TENM4: variants seen among roughly 807,000 people sequenced by gnomAD.
The protein encoded by TENM4 is teneurin transmembrane protein 4, also known as teneurin-4.
Under a neutral mutation model 243.3 loss-of-function variants are expected in TENM4, and 82 were observed. The observed-to-expected ratio is 0.34, with a 90% confidence interval of 0.28 to 0.40. TENM4 has a LOEUF of 0.40. Among genes scored for constraint, TENM4 ranks in the 10% least tolerant of loss-of-function variants. TENM4 has a pLI of 1.00. For missense variants in TENM4, 3,138 were observed against 3,673.3 expected, an observed-to-expected ratio of 0.85 and a Z score of 3.77; for synonymous variants, 1,412 against 1,456.3, an observed-to-expected ratio of 0.97 and a Z score of 0.69.
chr11:78,916,633 C>A (rs576799640), intron 6 of TENM4, among the ~76,000 whole-genome samples: 79 of 152,124 alleles, frequency 5.2e-4, no homozygotes, highest in Non-Finnish European at 9.0e-4. Context: ...TGACAATGAT[C>A]AGGGCTTTTA....
At chr11:78,707,777 A>G (rs1050418576) in intron 27 of TENM4, among the ~76,000 whole-genome samples, 2 of 152,220 alleles carry the variant, frequency 1.3e-5, no homozygotes, top group Non-Finnish European at 1.5e-5. Flanking sequence ...TCGTGGATGC[A>G]TTGTTTCATG....
intron 18 of TENM4, among the ~76,000 whole-genome samples, chr11:78,757,476 C>G (rs192002594): frequency 6.6e-6 from 1 of 152,296 alleles, no homozygotes; most frequent in East Asian, 1.9e-4. Context: ...TGGGAATCAC[C>G]GAAGGCTTTT....
At chr11:79,194,703 AG>A (rs1450003899) in intron 3 of TENM4, among the ~76,000 whole-genome samples, 1 of 152,200 alleles carries the variant, frequency 6.6e-6, no homozygotes, top group Non-Finnish European at 1.5e-5. Flanking sequence ...GTACTGTTAA[AG>A]GCATTCAGTT....
chr11:79,235,958 A>G (rs894765501), intron 2 of TENM4, among the ~76,000 whole-genome samples: 2 of 151,948 alleles, frequency 1.3e-5, no homozygotes, highest in East Asian at 1.9e-4. Flanking sequence ...CCTTCTGTGC[A>G]TTCATACAAT....
At chr11:79,326,087 T>C (rs1474276420) in intron 1 of TENM4, among the ~76,000 whole-genome samples, 13 of 152,194 alleles carry the variant, frequency 8.5e-5, no homozygotes, top group Non-Finnish European at 1.5e-5. Flanking sequence ...AGGAACATAT[T>C]GTGGGGTAAG....
rs372919687 is a variant in TENM4 at position 79,309,234 on chromosome 11, G to A, written c.-320-11691C>T. ...CTTTGGTATTAAAAACAGAATGTGA[G>A]CCCCAAAACATATCTATATGCTGTC... On this transcript the variant is annotated intron_variant, in intron 1 of 33. Transcript: ENST00000278550. 7.2e-5 allele frequency among the ~76,000 whole-genome samples: 11 copies of A among 152,328 alleles called. No individual in the cohort carries two copies. In the South Asian group the frequency reaches 2.3e-3, roughly 32 times the overall value.
At chr11:79,222,172 G>T (rs949728428) in intron 2 of TENM4, among the ~76,000 whole-genome samples, 1 of 152,218 alleles carries the variant, frequency 6.6e-6, no homozygotes, top group African/African-American at 2.4e-5. Context: ...GTCAGCGAGA[G>T]GGTCAAGGGG....
Position 79,409,861 on chromosome 11 carries a change from G to A in TENM4, c.-321+30648C>T, listed in dbSNP as rs550643812. Among the ~76,000 whole-genome samples the A allele has an allele frequency of 1.1e-4, 16 of 152,284 alleles. No homozygotes were observed. In the East Asian group the frequency reaches 3.1e-3, roughly 29 times the overall value. ...CTGATGGAACAATAGTCCAGCAAAT[G>A]TGTCAGTGTCCCTCTGAGGGTCCCA... On this transcript the variant is annotated intron_variant, in intron 1 of 33. Transcript: ENST00000278550.
At chr11:79,088,243 G>C (rs1463409098) in intron 4 of TENM4, among the ~76,000 whole-genome samples, 1 of 152,104 alleles carries the variant, frequency 6.6e-6, no homozygotes, top group Non-Finnish European at 1.5e-5. Flanking sequence ...TGGTATCTAG[G>C]GCCCAGCCTG....
chr11:79,193,083 C>G (rs1863549983), intron 3 of TENM4: 1 of 152,338 alleles, frequency 6.6e-6, no homozygotes, highest in Non-Finnish European at 1.5e-5. Flanking sequence ...CCCAGGACAG[C>G]AAGCTTTCCC....
intron 6 of TENM4, among the ~76,000 whole-genome samples, chr11:79,026,883 C>T (rs754848252): frequency 1.4e-4 from 21 of 152,142 alleles, no homozygotes; most frequent in Non-Finnish European, 2.9e-4. Flanking sequence ...ATCCTTCCAT[C>T]CAAACAACCC....
chr11:78,811,569 A>AACACACACATACACACAC (rs1555083999), intron 14 of TENM4, among the ~76,000 whole-genome samples: 1 of 65,032 alleles, frequency 1.5e-5, no homozygotes, highest in African/African-American at 4.0e-5. Flanking sequence ...CATACACATG[A>AACACACACATACACACAC]ACACACACAC....
At chr11:79,431,885 C>T (rs527435671) in intron 1 of TENM4, among the ~76,000 whole-genome samples, 24 of 152,236 alleles carry the variant, frequency 1.6e-4, no homozygotes, top group African/African-American at 5.5e-4. Flanking sequence ...GGAAATTTTA[C>T]ATTGGAGTTC....
intron 4 of TENM4, among the ~76,000 whole-genome samples, chr11:79,113,776 G>A (rs1861561085): frequency 6.6e-6 from 1 of 152,166 alleles, no homozygotes; most frequent in South Asian, 2.1e-4. Context: ...CTCAGAGGCT[G>A]TCCTGGGGCC....
chr11:78,820,456 A>G (rs1591048144), intron 12 of TENM4, among the ~76,000 whole-genome samples: 1 of 152,184 alleles, frequency 6.6e-6, no homozygotes, highest in East Asian at 1.9e-4. Flanking sequence ...TCTATACATT[A>G]CTTTCCTCAT....
intron 4 of TENM4, among the ~76,000 whole-genome samples, chr11:79,101,958 C>T (rs1208716932): frequency 1.3e-5 from 2 of 152,162 alleles, no homozygotes; most frequent in Non-Finnish European, 2.9e-5. Context: ...GGCTAGGAAC[C>T]AGGCTCCAGG....
At chr11:79,288,028 C>T (rs912949415) in intron 2 of TENM4, among the ~76,000 whole-genome samples, 1 of 152,194 alleles carries the variant, frequency 6.6e-6, no homozygotes, top group African/African-American at 2.4e-5. Flanking sequence ...GGAACTGGCC[C>T]TCAGCTAAAA....
At chr11:79,358,697 TGCCTCCCTC>T (rs1357059609) in intron 1 of TENM4, among the ~76,000 whole-genome samples, 1 of 126,616 alleles carries the variant, frequency 7.9e-6, no homozygotes, top group Non-Finnish European at 1.7e-5. Flanking sequence ...TTGCCTCCCT[TGCCTCCCTC>T]CCTCTCTCCC....
In TENM4 at chr11:79,380,220, C is replaced by T. The variant is rs944373411; in HGVS notation, c.-321+60289G>A. On this transcript the variant is annotated intron_variant, in intron 1 of 33. Coordinates refer to ENST00000278550, the MANE Select transcript of TENM4 (RefSeq NM_001098816.3). The stretch of plus-strand genomic sequence containing the variant: ...AAAGCAAAGCAAGATTGTCTAAACA[C>T]CTTTTGTTTGCCTTCAAGATTTCTC... 3.3e-5 allele frequency among the ~76,000 whole-genome samples: 5 copies of T among 152,098 alleles called. No homozygotes were observed. In the East Asian group the frequency reaches 9.6e-4, roughly 29 times the overall value.
Sources: allele counts gnomAD v4.1 joint callset (sites outside exome capture counted in the v4.1 genomes callset), GRCh38; gene constraint gnomAD v4.1.1; transcripts MANE v1.5; gene names NCBI Gene and HGNC (gene_info 2026-07-23, HGNC 2026-07-21).